The following SGSM3 variants were observed in gnomAD, a reference collection of about 807,000 sequenced individuals.
SGSM3 encodes the protein RUN and SH3 containing 3.
A neutral mutation model predicts 100.5 loss-of-function variants in SGSM3; 96 were observed. The observed-to-expected ratio is 0.96, with a 90% CI of 0.81 to 1.13. The LOEUF (loss-of-function observed/expected upper bound fraction) is 1.13, where lower values mean the gene tolerates loss of function less well. Ranked by LOEUF, SGSM3 falls within the 50% of genes most tolerant of loss-of-function variation. The pLI, the probability that SGSM3 is intolerant of heterozygous loss-of-function variation, is 0.00. For missense variants in SGSM3, 1,001 were observed against 1,015.8 expected (o/e 0.99, Z 0.20); for synonymous variants, 483 against 422.8 (o/e 1.14, Z -1.75).
rs755014774 is a variant in SGSM3, at chr22:40,405,816, G to A, written c.786G>A (p.Leu262=). The change falls in exon 8 of 22, where the codon CTG becomes CTA. Residue 262 remains leucine (L), a synonymous_variant. Coordinates refer to ENST00000248929, the MANE Select transcript of SGSM3 (RefSeq NM_015705.6). The part of the protein sequence containing the change: ...RHLIVQYLPR[L]DKLLQEHDIE... Reference sequence around the variant, plus strand: ...TCATTGTCCAGTACCTGCCTCGCCTGGACAAGCTGCTCCAGGAGCATGACA... The same window carrying A: ...TCATTGTCCAGTACCTGCCTCGCCTAGACAAGCTGCTCCAGGAGCATGACA... 2 of 1,612,670 alleles carry A rather than the reference G, an allele frequency of 1.2e-6. No homozygotes were observed. Among genetic ancestry groups the A allele is most frequent in the Admixed American group, 1.7e-5 (1 of 59,928 alleles).
intron 4 of SGSM3, among the ~76,000 whole-genome samples, chr22:40,403,599 A>G (rs1396466736): frequency 6.6e-6 from 1 of 152,194 alleles, no homozygotes; most frequent in Non-Finnish European, 1.5e-5. Context: ...AGACCATGTC[A>G]TTGGAGTGGA....
At chr22:40,388,662 A>C (rs535062806) in intron 1 of SGSM3, among the ~76,000 whole-genome samples, 1 of 152,278 alleles carries the variant, frequency 6.6e-6, no homozygotes, top group South Asian at 2.1e-4. Context: ...CCGAGAGTGG[A>C]GGCAGAGATT....
At chr22:40,392,296 T>C (rs1425122506) in intron 1 of SGSM3, among the ~76,000 whole-genome samples, 1 of 151,724 alleles carries the variant, frequency 6.6e-6, no homozygotes, top group East Asian at 1.9e-4. Flanking sequence ...ACTTGAAAAA[T>C]TACAGGCTTT....
chr22:40,401,998 C>T (rs528618652), intron 3 of SGSM3, 141 bp from the exon 4 acceptor site: 37 of 657,450 alleles, frequency 5.6e-5, no homozygotes, highest in East Asian at 5.1e-4. Flanking sequence ...TAACCAGAGG[C>T]GGCTTTTGGA....
At chr22:40,408,220 A>AG in intron 15 of SGSM3, 57 bp from the exon 16 acceptor site, 1 of 1,607,762 alleles carries the variant, frequency 6.2e-7, no homozygotes, top group African/African-American at 1.3e-5. Flanking sequence ...AGGACAGAGG[A>AG]GGGTGACTGG....
chr22:40,401,694 C>A lies in SGSM3; in HGVS notation c.90+19C>A. The A allele has an allele frequency of 6.2e-7, 1 of 1,600,412 alleles. No homozygotes were observed. Among genetic ancestry groups the A allele is most frequent in the Non-Finnish European group, 8.6e-7 (1 of 1,168,930 alleles). On this transcript the variant is annotated intron_variant, in intron 3 of 21. Coordinates refer to ENST00000248929, the MANE Select transcript of SGSM3 (RefSeq NM_015705.6). ...CACGCAGGTATAGCAGTTAGCCAGG[C>A]ACCAGCCTGCTGTGCTCCCACGCTG...
intron 1 of SGSM3, among the ~76,000 whole-genome samples, chr22:40,374,365 C>G (rs1358407564): frequency 6.6e-6 from 1 of 152,202 alleles, no homozygotes; most frequent in Non-Finnish European, 1.5e-5. Context: ...AGTGTCAAGA[C>G]TGCGTGCTTA....
intron 1 of SGSM3, among the ~76,000 whole-genome samples, chr22:40,398,596 C>T (rs1294765711): frequency 1.4e-5 from 2 of 141,656 alleles, no homozygotes; most frequent in African/African-American, 5.2e-5. Flanking sequence ...ATGCTCTCAA[C>T]TGGGACATGT....
At chr22:40,400,666 G>C (rs903769418) in intron 1 of SGSM3, 30 bp from the exon 2 acceptor site, 12 of 851,972 alleles carry the variant, frequency 1.4e-5, no homozygotes, top group Non-Finnish European at 2.2e-5. Flanking sequence ...AATAAAAATA[G>C]AATGACTTTC....
At chr22:40,403,110 A>G (rs951311661) in intron 4 of SGSM3, among the ~76,000 whole-genome samples, 2 of 152,274 alleles carry the variant, frequency 1.3e-5, no homozygotes, top group Admixed American at 6.5e-5. Flanking sequence ...CAGTGGAGTC[A>G]GAGTGTTCAC....
At chr22:40,398,566 G>A (rs1011092607) in intron 1 of SGSM3, among the ~76,000 whole-genome samples, 1 of 141,512 alleles carries the variant, frequency 7.1e-6, no homozygotes, top group African/African-American at 2.6e-5. Context: ...TGGGGCCGAT[G>A]GTGATGAGGA....
At chr22:40,405,944 G>C (rs2146987405) in intron 8 of SGSM3, 100 bp downstream of exon 8, 1 of 1,483,518 alleles carries the variant, frequency 6.7e-7, no homozygotes, top group Middle Eastern at 2.0e-4. Flanking sequence ...CATGGTCTTT[G>C]TCGCTCTTTT....
Position 40,406,186 on chromosome 22 carries a change from T to G in SGSM3, c.923T>G (p.Val308Gly). ...CTGTTTTTCTACGAGGGCTCCCGGG[T>G]GCTGTTCCAGCTCACGCTGGGCATG... Reference protein sequence around the residue: ...WDLFFYEGSRVLFQLTLGMLH... With the variant: ...WDLFFYEGSRGLFQLTLGMLH... Residue 308 changes from valine (V) to glycine (G), a missense_variant, in exon 9 of 22, where the codon GTG becomes GGG. By Grantham distance (109) the Val-to-Gly change is moderately radical. Transcript: ENST00000248929. 1 of 1,614,082 alleles carries G rather than the reference T, an allele frequency of 6.2e-7. No homozygotes were observed. Among genetic ancestry groups the G allele is most frequent in the South Asian group, 1.1e-5 (1 of 91,088 alleles).
At chr22:40,381,237 T>C (rs2047520588) in intron 1 of SGSM3, among the ~76,000 whole-genome samples, 1 of 151,982 alleles carries the variant, frequency 6.6e-6, no homozygotes, top group African/African-American at 2.4e-5. Context: ...AACCTCCACC[T>C]CCAGGGCTCA....
intron 2 of SGSM3, 115 bp downstream of exon 2, chr22:40,400,928 G>A: frequency 9.8e-7 from 1 of 1,015,504 alleles, no homozygotes; most frequent in Non-Finnish European, 1.4e-6. Flanking sequence ...AGGTGGAGAT[G>A]GTAGGGAAGG....
intron 7 of SGSM3, 92 bp from the exon 8 acceptor site, chr22:40,405,557 C>T: frequency 8.2e-7 from 1 of 1,222,218 alleles, no homozygotes; most frequent in Non-Finnish European, 1.2e-6. Flanking sequence ...CCCCAAGAGG[C>T]TTTTGCTAAT....
At chr22:40,386,730 C>G (rs1160718510) in intron 1 of SGSM3, among the ~76,000 whole-genome samples, 1 of 151,664 alleles carries the variant, frequency 6.6e-6, no homozygotes, top group Non-Finnish European at 1.5e-5. Context: ...CCCCTAGTTT[C>G]TTTTTTCAAA....
rs920796951 is a variant in SGSM3, at chr22:40,409,305, G to A, written c.2044G>A (p.Glu682Lys). The change falls in exon 20 of 22, where the codon GAG (glutamate) becomes AAG (lysine). Residue 682 changes from glutamate to lysine, a missense_variant. Transcript: ENST00000248929. ...GCTCTGCTCCAGCCTGCCCACCGTG[G>A]AGAAGTGGTACCAGCCCTGGTCCTT... The part of the protein sequence containing the change: ...EVLCSSLPTV[E>K]KWYQPWSFLR... The A allele has an allele frequency of 5.0e-6, 8 of 1,613,034 alleles. No individual in the cohort carries two copies. The highest frequency in any genetic ancestry group is 3.3e-5 in the South Asian group (3 of 91,068).
At chr22:40,378,036 C>T (rs980384081) in intron 1 of SGSM3, 2 of 152,094 alleles carry the variant, frequency 1.3e-5, no homozygotes, top group African/African-American at 4.8e-5. Context: ...CAGGGCTATC[C>T]ACAGGTGACA....
Sources: gnomAD v4.1 joint callset for allele counts (sites outside exome capture counted in the v4.1 genomes callset) on GRCh38, gnomAD v4.1.1 for gene constraint, MANE v1.5 for transcripts, NCBI Gene and HGNC (gene_info 2026-07-23, HGNC 2026-07-21) for gene names.